TBC1D4: variants seen among roughly 807,000 people sequenced by gnomAD.
TBC1D4 encodes TBC1 domain family member 4.
A neutral mutation model predicts 142.5 loss-of-function variants in TBC1D4; 121 were observed. The observed-to-expected ratio is 0.85, with a 90% CI of 0.73 to 0.99. The LOEUF is 0.99. Ranked by LOEUF, TBC1D4 falls within the 50% of genes least tolerant of loss-of-function variation. TBC1D4 has a pLI of 0.00. For missense variants in TBC1D4, 1,475 were observed against 1,606.6 expected (o/e 0.92, Z 1.40); for synonymous variants, 630 against 628.2 (o/e 1.00, Z -0.04).
At chr13:75,372,796 C>T (rs973284501) in intron 1 of TBC1D4, among the ~76,000 whole-genome samples, 3 of 152,060 alleles carry the variant, frequency 2.0e-5, no homozygotes, top group Admixed American at 6.6e-5. Context: ...GCTGATTAGA[C>T]AAGTTTGGCA....
intron 1 of TBC1D4, among the ~76,000 whole-genome samples, chr13:75,435,967 C>T (rs999505349): frequency 6.6e-6 from 1 of 152,130 alleles, no homozygotes; most frequent in African/African-American, 2.4e-5. Context: ...ATTTTATATA[C>T]AATGGTGATA....
chr13:75,464,191 G>C (rs1431187754), intron 1 of TBC1D4, among the ~76,000 whole-genome samples: 1 of 152,156 alleles, frequency 6.6e-6, no homozygotes, highest in Non-Finnish European at 1.5e-5. Context: ...TTGGGAACAG[G>C]CTCCCAAATG....
At chr13:75,476,753 A>C (rs889690464) in intron 1 of TBC1D4, among the ~76,000 whole-genome samples, 4 of 152,208 alleles carry the variant, frequency 2.6e-5, no homozygotes, top group African/African-American at 9.6e-5. Flanking sequence ...AAATGAACCA[A>C]ATAACTTAGC....
At chr13:75,293,525 T>C (rs564363822) in intron 18 of TBC1D4, among the ~76,000 whole-genome samples, 2 of 152,336 alleles carry the variant, frequency 1.3e-5, no homozygotes, top group Admixed American at 1.3e-4. Context: ...TGATACACTA[T>C]TCTCTGGGAA....
Position 75,294,949 on chromosome 13 carries a change from T to G in TBC1D4, c.3221A>C (p.Glu1074Ala), listed in dbSNP as rs1875744272. 3.1e-6 allele frequency: 5 copies of G among 1,613,830 alleles called. No homozygotes were observed. In the East Asian group the frequency reaches 1.1e-4, roughly 36 times the overall value. ...DYHRDLYNHLEENEISPSLYA... is the reference protein window; with the variant it reads ...DYHRDLYNHLAENEISPSLYA... ...AAGACTGGGGCTGATTTCATTTTCT[T>G]CAAGGTGATTGTAGAGATCTCTGTG... The change falls in exon 18 of 21, where the codon GAA (glutamate) becomes GCA (alanine). Residue 1074 changes from glutamate to alanine, a missense_variant. Around this residue, in one of 2 missense-constraint regions of TBC1D4, gnomAD observed 248 missense variants for 338.9 expected, o/e 0.73. Coordinates refer to ENST00000377636, the MANE Select transcript of TBC1D4 (RefSeq NM_014832.5).
intron 1 of TBC1D4, among the ~76,000 whole-genome samples, chr13:75,404,049 G>A (rs1885216880): frequency 1.0e-5 from 1 of 96,388 alleles, no homozygotes; most frequent in Non-Finnish European, 2.1e-5. Flanking sequence ...TTTTGTAGGG[G>A]GGATATATAT....
chr13:75,391,388 C>G (rs531338408), intron 1 of TBC1D4, among the ~76,000 whole-genome samples: 148 of 152,280 alleles, frequency 9.7e-4, no homozygotes, highest in African/African-American at 3.4e-3. Context: ...CATATAACAT[C>G]AGGCAATTAC....
intron 1 of TBC1D4, among the ~76,000 whole-genome samples, chr13:75,478,757 G>T (rs2138355606): frequency 6.6e-6 from 1 of 152,222 alleles, no homozygotes; most frequent in African/African-American, 2.4e-5. Flanking sequence ...AAAAAGGATG[G>T]TCCCAGCTTC....
intron 14 of TBC1D4, among the ~76,000 whole-genome samples, chr13:75,309,481 G>T (rs1366291111): frequency 2.0e-5 from 3 of 152,106 alleles, no homozygotes; most frequent in Non-Finnish European, 4.4e-5. Context: ...TACAATGTAA[G>T]TAGGATTTAC....
chr13:75,408,866 C>G (rs548143179), intron 1 of TBC1D4, among the ~76,000 whole-genome samples: 2 of 152,040 alleles, frequency 1.3e-5, no homozygotes, highest in Non-Finnish European at 2.9e-5. Flanking sequence ...ATCTGAATAC[C>G]TTCTTTGGAA....
intron 1 of TBC1D4, among the ~76,000 whole-genome samples, chr13:75,477,661 A>G (rs1320794820): frequency 6.6e-6 from 1 of 152,244 alleles, no homozygotes; most frequent in Non-Finnish European, 1.5e-5. Flanking sequence ...TTTTTAACAG[A>G]AAAATTTGGG....
intron 1 of TBC1D4, among the ~76,000 whole-genome samples, chr13:75,473,419 T>C (rs1394407321): frequency 6.6e-6 from 1 of 152,254 alleles, no homozygotes; most frequent in East Asian, 1.9e-4. Flanking sequence ...CCAGAAGCAC[T>C]GTGTTTGACT....
chr13:75,395,155 G>A (rs1262702186), intron 1 of TBC1D4, among the ~76,000 whole-genome samples: 1 of 152,158 alleles, frequency 6.6e-6, no homozygotes, highest in Non-Finnish European at 1.5e-5. Flanking sequence ...AGACAGACAT[G>A]GTAGGACAAA....
Position 75,292,266 on chromosome 13 carries a change from T to A in TBC1D4, c.3322A>T (p.Ile1108Phe). 1 of 1,610,914 alleles carries A rather than the reference T, an allele frequency of 6.2e-7. No individual in the cohort carries two copies. Among genetic ancestry groups the A allele is most frequent in the Non-Finnish European group, 8.5e-7 (1 of 1,178,640 alleles). ...LGFVARVFDIIFLQGTEVIFK... is the reference protein window; with the variant it reads ...LGFVARVFDIFFLQGTEVIFK... Reference sequence around the variant, plus strand: ...ATAACTTCAGTTCCCTGAAGAAAAATAATATCTAAAAGAAGAGATATAATT... The same window carrying A: ...ATAACTTCAGTTCCCTGAAGAAAAAAAATATCTAAAAGAAGAGATATAATT... The change falls in exon 19 of 21, where the codon ATT (isoleucine) becomes TTT (phenylalanine). Residue 1108 changes from isoleucine (I) to phenylalanine (F), a missense_variant. By Grantham distance (21) the Ile-to-Phe change is conservative. Coordinates refer to ENST00000377636, the MANE Select transcript of TBC1D4 (RefSeq NM_014832.5).
chr13:75,409,414 G>A (rs1885492656), intron 1 of TBC1D4, among the ~76,000 whole-genome samples: 1 of 152,094 alleles, frequency 6.6e-6, no homozygotes, highest in Non-Finnish European at 1.5e-5. Flanking sequence ...GGAAAGTAAT[G>A]GCTGGGTTCA....
intron 1 of TBC1D4, among the ~76,000 whole-genome samples, chr13:75,416,703 T>TTGTGGATAATAAAAAG (rs1885933507): frequency 6.6e-6 from 1 of 152,140 alleles, no homozygotes; most frequent in African/African-American, 2.4e-5. Flanking sequence ...AGGTGCCAGG[T>TTGTGGATAATAAAAAG]TGTGGATAAT....
chr13:75,381,897 T>C (rs1381723234), intron 1 of TBC1D4, among the ~76,000 whole-genome samples: 1 of 152,176 alleles, frequency 6.6e-6, no homozygotes, highest in Non-Finnish European at 1.5e-5. Context: ...ACAGTACCAA[T>C]CTATGGAGAT....
At chr13:75,344,559 A>C (rs1416828193) in intron 5 of TBC1D4, among the ~76,000 whole-genome samples, 4 of 152,020 alleles carry the variant, frequency 2.6e-5, no homozygotes, top group Admixed American at 1.3e-4. Flanking sequence ...CATTAGGATA[A>C]TCGGTCTATC....
At chr13:75,462,520 G>A (rs1311809137) in intron 1 of TBC1D4, among the ~76,000 whole-genome samples, 1 of 139,292 alleles carries the variant, frequency 7.2e-6, no homozygotes, top group African/African-American at 2.7e-5. Context: ...AAACCTCTGA[G>A]GGTGGAGGGT....
Sources: allele counts gnomAD v4.1 joint callset (sites outside exome capture counted in the v4.1 genomes callset), GRCh38; gene constraint gnomAD v4.1.1; regional missense constraint gnomAD v4.1.1; transcripts MANE v1.5; gene names NCBI Gene and HGNC (gene_info 2026-07-23, HGNC 2026-07-21).